Variants in SEMA6D observed in about 807,000 individuals in gnomAD.
SEMA6D encodes the protein semaphorin-6D.
Under a neutral mutation model 106.6 loss-of-function variants are expected in SEMA6D, and 35 were observed. The ratio of observed to expected loss-of-function variants is 0.33; its 90% confidence interval spans 0.25 to 0.44. The LOEUF (loss-of-function observed/expected upper bound fraction) is 0.44, where lower values mean the gene tolerates loss of function less well. SEMA6D is among the 20% of genes least tolerant of loss of function. SEMA6D has a pLI of 1.00. For missense variants in SEMA6D, 1,185 were observed against 1,345.9 expected, an observed-to-expected ratio of 0.88 and a Z score of 1.87; for synonymous variants, 499 against 487.7, an observed-to-expected ratio of 1.02 and a Z score of -0.31.
At chr15:47,612,693 G>T (rs892456443) in intron 4 of SEMA6D, among the ~76,000 whole-genome samples, 1 of 152,192 alleles carries the variant, frequency 6.6e-6, no homozygotes, top group South Asian at 2.1e-4. Context: ...TGTGAATGAA[G>T]GGTATGGGCT....
Position 47,206,258 on chromosome 15 carries a change from G to A in SEMA6D, c.-239+21840G>A, listed in dbSNP as rs551522755. Among the ~76,000 whole-genome samples, 405 of 152,260 alleles carry A rather than the reference G, an allele frequency of 2.7e-3. 1 individual carries two copies. Among genetic ancestry groups the A allele is most frequent in the African/African-American group, 9.4e-3 (390 of 41,564 alleles). ...AAAAGTCAAAGGCCAACATGTATATGTGTCTTTTTTGGCATGCATATGGAA... is the reference window on the plus strand; with the variant it reads ...AAAAGTCAAAGGCCAACATGTATATATGTCTTTTTTGGCATGCATATGGAA... On this transcript the variant is annotated intron_variant, in intron 1 of 19. Coordinates refer to the SEMA6D transcript ENST00000558014.
At chr15:47,719,309 G>C (rs528409939) in intron 1 of SEMA6D, among the ~76,000 whole-genome samples, 171 of 152,258 alleles carry the variant, frequency 1.1e-3, no homozygotes, top group South Asian at 1.9e-3. Flanking sequence ...TCACAGGGAA[G>C]GCGCAGCACA....
At chr15:47,425,144 A>G (rs143806485) in intron 2 of SEMA6D, among the ~76,000 whole-genome samples, 1 of 152,102 alleles carries the variant, frequency 6.6e-6, no homozygotes, top group Non-Finnish European at 1.5e-5. Flanking sequence ...AGTCTGTCAT[A>G]TTGTGGTGAT....
intron 3 of SEMA6D, among the ~76,000 whole-genome samples, chr15:47,515,299 C>T (rs903958928): frequency 1.3e-5 from 2 of 152,122 alleles, no homozygotes; most frequent in Non-Finnish European, 2.9e-5. Flanking sequence ...CCATATCTGT[C>T]TTCTGTTACT....
At chr15:47,496,448 T>G (rs1368403987) in intron 3 of SEMA6D, among the ~76,000 whole-genome samples, 6 of 152,030 alleles carry the variant, frequency 3.9e-5, no homozygotes, top group African/African-American at 1.4e-4. Flanking sequence ...TTACCCACTC[T>G]ACTGTAAGCT....
chr15:47,751,595 A>C (rs891234072), intron 1 of SEMA6D, among the ~76,000 whole-genome samples: 3 of 152,106 alleles, frequency 2.0e-5, no homozygotes, highest in African/African-American at 7.2e-5. Flanking sequence ...CAGCAGAAAA[A>C]GTCCATGCTC....
chr15:47,268,970 T>C (rs993997563), intron 1 of SEMA6D, among the ~76,000 whole-genome samples: 2 of 152,148 alleles, frequency 1.3e-5, no homozygotes, highest in Non-Finnish European at 2.9e-5. Context: ...GTTACATGGC[T>C]ATTCACACAA....
At chr15:47,446,469 C>T (rs2042032780) in intron 2 of SEMA6D, among the ~76,000 whole-genome samples, 1 of 152,082 alleles carries the variant, frequency 6.6e-6, no homozygotes, top group Non-Finnish European at 1.5e-5. Context: ...TCCAGTTCTT[C>T]AACTAACAAG....
chr15:47,429,983 A>C (rs553808467), intron 2 of SEMA6D, among the ~76,000 whole-genome samples: 1 of 152,106 alleles, frequency 6.6e-6, no homozygotes, highest in Non-Finnish European at 1.5e-5. Flanking sequence ...TTCATCCACT[A>C]TAAGGCACCA....
rs186893892 is a variant in SEMA6D, at chr15:47,240,089, T to C, written c.-239+55671T>C. ...AAAGCCTGTTCTATACATATGGTAA[T>C]TGGTCATCCTAAAAGAGAGGCACAC... On this transcript the variant is annotated intron_variant, in intron 1 of 19. Transcript: ENST00000558014. Among the ~76,000 whole-genome samples, 235 of 152,280 alleles carry C rather than the reference T, an allele frequency of 1.5e-3. 4 individuals carry two copies. Among genetic ancestry groups the C allele is most frequent in the Middle Eastern group, 3.4e-3 (1 of 294 alleles).
At chr15:47,234,041 G>A (rs2141625871) in intron 1 of SEMA6D, among the ~76,000 whole-genome samples, 1 of 152,092 alleles carries the variant, frequency 6.6e-6, no homozygotes, top group East Asian at 1.9e-4. Flanking sequence ...TCTGCTGCCT[G>A]AGAAAATGGA....
At chr15:47,368,110 C>T (rs1280222983) in intron 1 of SEMA6D, among the ~76,000 whole-genome samples, 1 of 152,162 alleles carries the variant, frequency 6.6e-6, no homozygotes, top group Non-Finnish European at 1.5e-5. Flanking sequence ...TTGTATTTAG[C>T]TACCAGTATG....
rs181059919 is a variant in SEMA6D at position 47,432,091 on chromosome 15, C to A, written c.-159+19619C>A. Among the ~76,000 whole-genome samples the A allele has an allele frequency of 5.8e-3, 884 of 152,102 alleles. 6 individuals carry two copies. The highest frequency in any genetic ancestry group is 0.017 in the Admixed American group (252 of 15,262). ...GCACTGAGATCTAAAAAGATATTTT[C>A]TTTTTTAAGAGGAGAGCTATGTGTT... On this transcript the variant is annotated intron_variant, in intron 2 of 19. Transcript: ENST00000558014.
intron 1 of SEMA6D, among the ~76,000 whole-genome samples, chr15:47,231,168 C>T (rs1024322921): frequency 1.3e-5 from 2 of 152,006 alleles, no homozygotes; most frequent in East Asian, 1.9e-4. Flanking sequence ...CTTTTTCTCT[C>T]TCTTTTATTT....
At chr15:47,295,130 G>A (rs973070439) in intron 1 of SEMA6D, among the ~76,000 whole-genome samples, 1 of 152,192 alleles carries the variant, frequency 6.6e-6, no homozygotes, top group African/African-American at 2.4e-5. Context: ...TGAAAGGCCT[G>A]TGTTTATTAT....
intron 1 of SEMA6D, among the ~76,000 whole-genome samples, chr15:47,387,604 A>T (rs1052633218): frequency 7.2e-5 from 11 of 152,258 alleles, no homozygotes; most frequent in African/African-American, 2.2e-4. Flanking sequence ...TTCTAATTAT[A>T]TGACTAACTG....
At chr15:47,761,119 G>A (rs377217662) in intron 4 of SEMA6D, 39 bp from the exon 5 acceptor site, 35 of 1,612,178 alleles carry the variant, frequency 2.2e-5, no homozygotes, top group African/African-American at 6.7e-5. Flanking sequence ...AAAAATGTTC[G>A]CAGTTAAAAA....
chr15:47,205,719 A>G (rs1203225942), intron 1 of SEMA6D, among the ~76,000 whole-genome samples: 1 of 152,178 alleles, frequency 6.6e-6, no homozygotes, highest in African/African-American at 2.4e-5. Context: ...ACATTCGAAT[A>G]GACCATAATA....
rs1286819782 is a variant in SEMA6D at position 47,445,812 on chromosome 15, C to G, written c.-158-24662C>G. 3.3e-5 allele frequency among the ~76,000 whole-genome samples: 5 copies of G among 151,958 alleles called. No homozygotes were observed. The East Asian group carries it at 7.8e-4, about 24-fold the overall frequency. ...CCCCCTCAGCATATGTTCATGTACC[C>G]CATTCACGCTCCATATCTGTGACAA... is the stretch of plus-strand genomic sequence containing the variant. On this transcript the variant is annotated intron_variant, in intron 2 of 19. Coordinates refer to the SEMA6D transcript ENST00000558014.
Sources: gnomAD v4.1 joint callset for allele counts (sites outside exome capture counted in the v4.1 genomes callset) on GRCh38, gnomAD v4.1.1 for gene constraint, MANE v1.5 for transcripts, NCBI Gene and HGNC (gene_info 2026-07-23, HGNC 2026-07-21) for gene names.